Variants in CCDC152 observed in about 807,000 individuals in gnomAD.
CCDC152 encodes coiled-coil domain-containing protein 152.
Under a neutral mutation model 38.1 loss-of-function variants are expected in CCDC152, and 37 were observed. The observed-to-expected ratio is 0.97, with a 90% CI of 0.75 to 1.28. The LOEUF (loss-of-function observed/expected upper bound fraction) is 1.28. Among genes scored for constraint, CCDC152 ranks in the 50% most tolerant of loss-of-function variants. The pLI is 0.00. For synonymous variants in CCDC152, 83 were observed against 87.1 expected (o/e 0.95, Z 0.26); for missense variants, 259 against 292.1 (o/e 0.89, Z 0.83).
chr5:42,793,503 G>A (rs973987313), intron 6 of CCDC152, among the ~76,000 whole-genome samples: 3 of 152,014 alleles, frequency 2.0e-5, no homozygotes, highest in African/African-American at 7.2e-5. Flanking sequence ...ATTTTTAAAA[G>A]GAAATAAATA....
chr5:42,763,460 T>C (rs568137568), intron 3 of CCDC152, among the ~76,000 whole-genome samples: 2 of 151,570 alleles, frequency 1.3e-5, no homozygotes, highest in East Asian at 4.4e-4. Flanking sequence ...ATAGTCACTT[T>C]CTTTACTATA....
chr5:42,799,324 T>C (rs920511753), intron 7 of CCDC152, 51 bp from the exon 8 acceptor site: 2 of 920,324 alleles, frequency 2.2e-6, no homozygotes. Flanking sequence ...ATAGAAACAA[T>C]TGTTTCTAAT....
chr5:42,766,196 A>C (rs1250964444), intron 3 of CCDC152, among the ~76,000 whole-genome samples: 1 of 152,200 alleles, frequency 6.6e-6, no homozygotes, highest in African/African-American at 2.4e-5. Flanking sequence ...GAGAAATGCA[A>C]ATCAAAACTA....
chr5:42,765,297 C>A (rs1421999445), intron 3 of CCDC152, among the ~76,000 whole-genome samples: 1 of 152,134 alleles, frequency 6.6e-6, no homozygotes, highest in African/African-American at 2.4e-5. Flanking sequence ...ATTCCATGTT[C>A]TTGGATTGGA....
At position 42,800,647 on chromosome 5, in the gene CCDC152, T is replaced by C. The variant is rs1319739173; in HGVS notation, c.*866T>C. The C allele has an allele frequency of 1.4e-6, 2 of 1,480,878 alleles. No homozygotes were observed. Among genetic ancestry groups the C allele is most frequent in the Non-Finnish European group, 9.0e-7 (1 of 1,105,818 alleles). 91.7% of individuals were successfully genotyped at this position (1,480,878 alleles called of 1,614,324 possible). A position where few individuals can be genotyped will look rare whatever the true frequency, so the allele number is the denominator to read the frequency against. On this transcript the variant is annotated 3_prime_UTR_variant, in exon 9 of 9. Transcript: ENST00000361970. ...AATTTCTATTTTTGGTTCACTAATTTGGTAGTTTATAAAAATGCTGGAAAT... is the reference window on the plus strand; with the variant it reads ...AATTTCTATTTTTGGTTCACTAATTCGGTAGTTTATAAAAATGCTGGAAAT...
intron 6 of CCDC152, among the ~76,000 whole-genome samples, chr5:42,785,395 G>A (rs1759905089): frequency 1.3e-5 from 2 of 152,046 alleles, no homozygotes; most frequent in Non-Finnish European, 2.9e-5. Context: ...TTGGTTCTCA[G>A]CTTGAGTGTT....
chr5:42,764,023 G>A (rs1040605908), intron 3 of CCDC152, among the ~76,000 whole-genome samples: 5 of 152,172 alleles, frequency 3.3e-5, no homozygotes, highest in Admixed American at 1.3e-4. Flanking sequence ...GAGAGTTTCC[G>A]TATACTCTCT....
At chr5:42,764,056 T>C (rs1759592657) in intron 3 of CCDC152, among the ~76,000 whole-genome samples, 1 of 152,196 alleles carries the variant, frequency 6.6e-6, no homozygotes, top group South Asian at 2.1e-4. Context: ...TCCCTATTAC[T>C]AATATCTTGC....
At chr5:42,756,906 A>C (rs562688242) in intron 1 of CCDC152, 21 bp downstream of exon 1, 1 of 152,914 alleles carries the variant, frequency 6.5e-6, no homozygotes, top group Non-Finnish European at 1.5e-5. Flanking sequence ...AATTCTATTG[A>C]CGGTTCGAAA....
In CCDC152 at chr5:42,801,105, C is replaced by CTA; in HGVS notation, c.*1326_*1327dup. The CTA allele has an allele frequency of 6.2e-7, 1 of 1,614,064 alleles. No homozygotes were observed. The highest frequency in any genetic ancestry group is 8.5e-7 in the Non-Finnish European group (1 of 1,179,996). On this transcript the variant is annotated 3_prime_UTR_variant, in exon 9 of 9. Coordinates refer to ENST00000361970, the MANE Select transcript of CCDC152 (RefSeq NM_001134848.2). ...ATCTCGGTTCTCTGGGTGACCCTGC[C>CTA]TATGCTGACCCTTGTGCTTATGGTG...
intron 6 of CCDC152, among the ~76,000 whole-genome samples, chr5:42,785,779 T>C (rs1173375570): frequency 1.3e-5 from 2 of 152,180 alleles, no homozygotes; most frequent in Non-Finnish European, 2.9e-5. Flanking sequence ...TGTATGGCTC[T>C]TGTTATTTTG....
chr5:42,786,362 G>C (rs768800167), intron 6 of CCDC152, among the ~76,000 whole-genome samples: 1 of 152,012 alleles, frequency 6.6e-6, no homozygotes, highest in Non-Finnish European at 1.5e-5. Context: ...TCTGGAGGTT[G>C]TATGTTTCCA....
chr5:42,800,230 T>C lies in CCDC152; in HGVS notation c.*449T>C, dbSNP rs542362637. The C allele has an allele frequency of 6.4e-6, 1 of 157,006 alleles. No individual in the cohort carries two copies. The highest frequency in any genetic ancestry group is 2.0e-4 in the South Asian group (1 of 4,988). The allele number at this position is 157,006 out of a possible 1,614,324, so 9.7% of individuals were successfully genotyped here. On this transcript the variant is annotated 3_prime_UTR_variant, in exon 9 of 9. Transcript: ENST00000361970. ...TATTTAAAATAGTTATATATGCTTT[T>C]TTAGCAAAATATTCACGTGTTAAGT...
chr5:42,771,153 T>C (rs1189597691), intron 4 of CCDC152, among the ~76,000 whole-genome samples: 1 of 152,134 alleles, frequency 6.6e-6, no homozygotes, highest in Non-Finnish European at 1.5e-5. Flanking sequence ...GAGGCAAAAA[T>C]GCTAAACACA....
At chr5:42,760,883 T>C (rs1399007313) in intron 2 of CCDC152, among the ~76,000 whole-genome samples, 1 of 152,234 alleles carries the variant, frequency 6.6e-6, no homozygotes, top group African/African-American at 2.4e-5. Flanking sequence ...GCAATGATTT[T>C]GGAAATTAAT....
At chr5:42,797,768 G>A (rs1217565482) in intron 7 of CCDC152, among the ~76,000 whole-genome samples, 1 of 151,844 alleles carries the variant, frequency 6.6e-6, no homozygotes, top group Non-Finnish European at 1.5e-5. Context: ...TATCCTGGGG[G>A]CAAACAAACC....
At chr5:42,797,015 T>C (rs528219787) in intron 7 of CCDC152, 59 bp downstream of exon 7, 1 of 1,278,558 alleles carries the variant, frequency 7.8e-7, no homozygotes, top group African/African-American at 1.6e-5. Flanking sequence ...AACTGTACTT[T>C]GATTGTTTTT....
intron 4 of CCDC152, among the ~76,000 whole-genome samples, chr5:42,770,096 C>T (rs1004532952): frequency 6.6e-6 from 1 of 152,208 alleles, no homozygotes; most frequent in Non-Finnish European, 1.5e-5. Context: ...GAAGTCAACA[C>T]ATTCAGCTTA....
chr5:42,797,071 G>A lies in CCDC152; in HGVS notation c.558+115G>A, dbSNP rs185025628. The A allele has an allele frequency of 7.8e-4, 584 of 745,712 alleles. 3 individuals carry two copies. The highest frequency in any genetic ancestry group is 2.2e-3 in the East Asian group (64 of 29,582). 46.2% of individuals were successfully genotyped at this position (745,712 alleles called of 1,614,324 possible). ...TAGGATTAGAAGCAATTCTGTGAGA[G>A]GGCTTCACACATGCTCATTCTCCAC... On this transcript the variant is annotated intron_variant, in intron 7 of 8. Coordinates refer to ENST00000361970, the MANE Select transcript of CCDC152 (RefSeq NM_001134848.2).
Sources: allele counts gnomAD v4.1 joint callset (sites outside exome capture counted in the v4.1 genomes callset), GRCh38; gene constraint gnomAD v4.1.1; transcripts MANE v1.5; gene names NCBI Gene and HGNC (gene_info 2026-07-23, HGNC 2026-07-21).